The following TPH2 variants were observed in gnomAD, a reference collection of about 807,000 sequenced individuals.
The protein encoded by TPH2 is tryptophan 5-hydroxylase 2.
Under a neutral mutation model 59.1 loss-of-function variants are expected in TPH2, and 27 were observed. That is an observed-to-expected ratio of 0.46 (90% CI 0.34 to 0.63). The LOEUF (loss-of-function observed/expected upper bound fraction) is 0.63. Among genes scored for constraint, TPH2 ranks in the 30% least tolerant of loss-of-function variants. The pLI, the probability that TPH2 is intolerant of heterozygous loss-of-function variation, is 0.01. For synonymous variants in TPH2, 220 were observed against 210.5 expected, an observed-to-expected ratio of 1.05 and a Z score of -0.39; for missense variants, 523 against 588.3, an observed-to-expected ratio of 0.89 and a Z score of 1.15.
intron 8 of TPH2, among the ~76,000 whole-genome samples, chr12:72,013,540 A>G (rs998612430): frequency 6.6e-6 from 1 of 152,174 alleles, no homozygotes; most frequent in African/African-American, 2.4e-5. Flanking sequence ...AGTCCTTCTA[A>G]GATCCCATTT....
At chr12:72,023,464 A>T (rs1039343773) in intron 9 of TPH2, among the ~76,000 whole-genome samples, 1 of 151,076 alleles carries the variant, frequency 6.6e-6, no homozygotes, top group African/African-American at 2.5e-5. Context: ...TTCCTCAAAC[A>T]TTTGGTTGAA....
chr12:71,961,595 G>A (rs781600362), intron 5 of TPH2: 1 of 1,351,978 alleles, frequency 7.4e-7, no homozygotes. Flanking sequence ...GGGAATTTCA[G>A]CTCTTTTCTG....
At chr12:71,958,479 C>A (rs117294742) in intron 5 of TPH2, among the ~76,000 whole-genome samples, 3 of 152,196 alleles carry the variant, frequency 2.0e-5, no homozygotes, top group Non-Finnish European at 4.4e-5. Flanking sequence ...ATTTGAAATG[C>A]ACCATCCTTG....
At chr12:71,972,114 C>T (rs1372267147) in intron 5 of TPH2, among the ~76,000 whole-genome samples, 10 of 152,158 alleles carry the variant, frequency 6.6e-5, no homozygotes, top group Admixed American at 5.9e-4. Context: ...ACAAAAAGAA[C>T]CCATAAAGCA....
intron 8 of TPH2, among the ~76,000 whole-genome samples, chr12:72,009,725 C>T (rs543541477): frequency 1.3e-5 from 2 of 152,320 alleles, no homozygotes; most frequent in Non-Finnish European, 2.9e-5. Context: ...AATGAAGGCA[C>T]CTGCCCCAGG....
intron 1 of TPH2, 113 bp downstream of exon 1, chr12:71,939,204 T>C: frequency 1.3e-6 from 1 of 798,648 alleles, no homozygotes; most frequent in Non-Finnish European, 2.1e-6. Flanking sequence ...AAATTTCTCC[T>C]TCTTTATAAT....
Position 71,939,003 on chromosome 12 carries a change from TG to T in TPH2, c.18del (p.Met6IlefsTer31). 1 of 1,614,038 alleles carries T rather than the reference TG, an allele frequency of 6.2e-7. No homozygotes were observed. Among genetic ancestry groups the T allele is most frequent in the Non-Finnish European group, 8.5e-7 (1 of 1,179,958 alleles). On this transcript the variant is annotated frameshift_variant, in exon 1 of 11. Transcript: ENST00000333850. LOFTEE classifies it high-confidence loss of function. Reference protein sequence around the residue: MQPAMMMFSSKYWARR... With the variant: MQPAMXMFSSKYWARR... ...CCGGGATCCATGCAGCCAGCAATGATGATGTTTTCCAGTAAATACTGGGCAC... is the reference window on the plus strand; with the variant it reads ...CCGGGATCCATGCAGCCAGCAATGATATGTTTTCCAGTAAATACTGGGCAC...
chr12:71,985,809 C>T (rs1355505299), intron 7 of TPH2, among the ~76,000 whole-genome samples: 1 of 152,148 alleles, frequency 6.6e-6, no homozygotes. Flanking sequence ...CAGTTCTCGG[C>T]CCAACTTCCA....
intron 5 of TPH2, chr12:71,962,381 T>C: frequency 8.1e-6 from 8 of 985,496 alleles, no homozygotes; most frequent in Non-Finnish European, 9.6e-6. Flanking sequence ...TTTCTGTCCC[T>C]TTGGGTTTAC....
At chr12:71,990,632 C>T (rs1287691458) in intron 7 of TPH2, among the ~76,000 whole-genome samples, 1 of 152,192 alleles carries the variant, frequency 6.6e-6, no homozygotes, top group Non-Finnish European at 1.5e-5. Context: ...TGTACCTGAG[C>T]CAAACACAGT....
chr12:71,991,521 A>G (rs1872578424), intron 7 of TPH2, among the ~76,000 whole-genome samples: 1 of 152,196 alleles, frequency 6.6e-6, no homozygotes, highest in South Asian at 2.1e-4. Flanking sequence ...TGACTAATTT[A>G]AAATTATTGT....
intron 5 of TPH2, chr12:71,961,859 G>A (rs34679573): frequency 1.8e-6 from 2 of 1,134,452 alleles, no homozygotes; most frequent in Non-Finnish European, 1.1e-6. Context: ...AGGCTCCTTA[G>A]GTGCAGTAGT....
chr12:71,946,394 T>A (rs1024811760), intron 4 of TPH2, among the ~76,000 whole-genome samples: 1 of 152,162 alleles, frequency 6.6e-6, no homozygotes, highest in Non-Finnish European at 1.5e-5. Flanking sequence ...GGAACAACCA[T>A]AGGAACCACT....
chr12:72,024,215 G>A (rs535801487), intron 9 of TPH2, among the ~76,000 whole-genome samples: 2 of 152,314 alleles, frequency 1.3e-5, no homozygotes, highest in Admixed American at 1.3e-4. Context: ...TGCCTGAGAA[G>A]CCTTCCTGTC....
chr12:72,004,661 C>T (rs1005258066), intron 8 of TPH2, among the ~76,000 whole-genome samples: 5 of 152,174 alleles, frequency 3.3e-5, no homozygotes, highest in African/African-American at 1.2e-4. Flanking sequence ...GGAGTAGGCT[C>T]TCAAAATCTT....
intron 8 of TPH2, among the ~76,000 whole-genome samples, chr12:72,015,205 T>A (rs1294023805): frequency 6.6e-6 from 1 of 152,034 alleles, no homozygotes; most frequent in East Asian, 1.9e-4. Flanking sequence ...AGTGTATACA[T>A]TGACATACTA....
chr12:71,938,961 A>C lies in TPH2; in HGVS notation c.-26A>C. The stretch of plus-strand genomic sequence containing the variant: ...CTGCCCCTCTAGTACCCCCTGCTGC[A>C]GAGAAAGAATATTACACCGGGATCC... On this transcript the variant is annotated 5_prime_UTR_variant, in exon 1 of 11. Coordinates refer to ENST00000333850, the MANE Select transcript of TPH2 (RefSeq NM_173353.4). The C allele has an allele frequency of 1.3e-6, 2 of 1,593,222 alleles. No homozygotes were observed. Among genetic ancestry groups the C allele is most frequent in the Non-Finnish European group, 1.7e-6 (2 of 1,161,234 alleles).
Position 72,031,536 on chromosome 12 carries a change from A to G in TPH2, c.1314A>G (p.Ser438=), listed in dbSNP as rs1414777327. ...TATTCTGCAGGGACTTTGCAAAGTC[A>G]ATTACCCGTCCCTTCTCAGTATACT... ...AKEKMRDFAK[S]ITRPFSVYFN... is the part of the protein sequence containing the mutation. Residue 438 remains serine, a synonymous_variant, in exon 11 of 11, where the codon TCA becomes TCG. Transcript: ENST00000333850. 1 of 1,613,622 alleles carries G rather than the reference A, an allele frequency of 6.2e-7. No individual in the cohort carries two copies. The highest frequency in any genetic ancestry group is 1.7e-5 in the Admixed American group (1 of 59,928).
At chr12:71,988,703 A>AT (rs1383290853) in intron 7 of TPH2, among the ~76,000 whole-genome samples, 3 of 152,188 alleles carry the variant, frequency 2.0e-5, no homozygotes, top group Non-Finnish European at 2.9e-5. Flanking sequence ...GGGTACAAAT[A>AT]TCTAAGCTAT....
Sources: allele counts gnomAD v4.1 joint callset (sites outside exome capture counted in the v4.1 genomes callset), GRCh38; gene constraint gnomAD v4.1.1; transcripts MANE v1.5; gene names NCBI Gene and HGNC (gene_info 2026-07-23, HGNC 2026-07-21).